Variants in LAMC2 observed in about 807,000 individuals in gnomAD.
LAMC2 encodes the protein laminin subunit gamma-2.
In LAMC2, 97 loss-of-function variants were observed where a neutral mutation model predicts 140.2. That is an observed-to-expected ratio of 0.69 (90% confidence interval 0.59 to 0.82). The LOEUF (loss-of-function observed/expected upper bound fraction) is 0.82, where lower values mean the gene tolerates loss of function less well. Ranked by LOEUF, LAMC2 falls within the 40% of genes least tolerant of loss-of-function variation. LAMC2 has a pLI of 0.00. For missense variants in LAMC2, 1,402 were observed against 1,476.1 expected (o/e 0.95, Z 0.82); for synonymous variants, 513 against 540.2 (o/e 0.95, Z 0.70).
the LAMC2 span, among the ~76,000 whole-genome samples, chr1:183,257,388 C>T: frequency 6.6e-6 from 1 of 152,050 alleles, no homozygotes; most frequent in Non-Finnish European, 1.5e-5. Context: ...TTGCAGTGAG[C>T]CAAGATCACG....
At chr1:183,252,615 T>C in the LAMC2 span, 6 of 1,487,764 alleles carry the variant, frequency 4.0e-6, no homozygotes, top group Non-Finnish European at 5.6e-6. Context: ...GGAGGGGCCA[T>C]TGTGTTGCCG....
chr1:183,225,221 GA>G (rs899752337), intron 7 of LAMC2, among the ~76,000 whole-genome samples: 1 of 152,068 alleles, frequency 6.6e-6, no homozygotes, highest in Non-Finnish European at 1.5e-5. Flanking sequence ...ACAAATAAAT[GA>G]TTTTTTTTAA....
At chr1:183,226,938 C>G in intron 9 of LAMC2, 22 bp downstream of exon 9, 1 of 1,584,306 alleles carries the variant, frequency 6.3e-7, no homozygotes. Context: ...GACACCTGGA[C>G]CAGGTGGCTG....
chr1:183,248,859 T>C (rs1342885566), downstream of LAMC2: 1 of 151,962 alleles, frequency 6.6e-6, no homozygotes, highest in Non-Finnish European at 1.5e-5. Context: ...TAAAATGTAA[T>C]AACATGCTTC....
chr1:183,245,904 T>C (rs1402326806), downstream of LAMC2, among the ~76,000 whole-genome samples: 4 of 152,210 alleles, frequency 2.6e-5, no homozygotes, highest in Non-Finnish European at 5.9e-5. Context: ...GCGCGGTGGC[T>C]CATGCCGGTA....
chr1:183,234,515 G>C, intron 15 of LAMC2, 69 bp downstream of exon 15: 1 of 1,192,894 alleles, frequency 8.4e-7, no homozygotes, highest in Non-Finnish European at 1.2e-6. Context: ...TAAGAGTGTA[G>C]GGTATTAGGG....
chr1:183,220,051 T>C (rs909399222), intron 4 of LAMC2, among the ~76,000 whole-genome samples: 3 of 152,344 alleles, frequency 2.0e-5, no homozygotes, highest in Non-Finnish European at 2.9e-5. Context: ...TAAATAATCA[T>C]TGAAACTATC....
At chr1:183,235,759 C>T (rs764333685) in intron 16 of LAMC2, 29 bp downstream of exon 16, 2 of 1,612,768 alleles carry the variant, frequency 1.2e-6, no homozygotes, top group Non-Finnish European at 1.7e-6. Flanking sequence ...TCCCGTGGCT[C>T]ATTATACCTT....
chr1:183,252,487 A>G, the LAMC2 span: 39 of 481,178 alleles, frequency 8.1e-5, no homozygotes, highest in African/African-American at 5.3e-4. Context: ...AGGGAATGCC[A>G]TGGTTCTCTG....
chr1:183,196,060 G>A (rs1012419324), intron 1 of LAMC2, among the ~76,000 whole-genome samples: 1 of 152,100 alleles, frequency 6.6e-6, no homozygotes, highest in Non-Finnish European at 1.5e-5. Context: ...ACTGATAAAT[G>A]ACAGGTAGTA....
In LAMC2 at chr1:183,240,171, T is replaced by A. The variant is rs570744232; in HGVS notation, c.3201T>A (p.Phe1067Leu). Reference protein sequence around the residue: ...EGELERKELEFDTNMDAVQMV... With the variant: ...EGELERKELELDTNMDAVQMV... The stretch of plus-strand genomic sequence containing the variant: ...AGCTGGAAAGGAAGGAGCTGGAGTT[T>A]GACACGAATATGGATGCAGTACAGA... Residue 1067 changes from phenylalanine (F) to leucine (L), a missense_variant, in exon 21 of 23, where the codon TTT becomes TTA. Phe to Leu is a conservative substitution (Grantham distance 22). Around this residue, in one of 3 missense-constraint regions of LAMC2, gnomAD observed 670 missense variants for 667.2 expected, o/e 1.00. Transcript: ENST00000264144. The A allele has an allele frequency of 6.8e-6, 11 of 1,614,200 alleles. No individual in the cohort carries two copies. The African/African-American group carries it at 9.3e-5, about 14-fold the overall frequency.
At chr1:183,210,938 T>G (rs556570124) in intron 2 of LAMC2, among the ~76,000 whole-genome samples, 3 of 152,384 alleles carry the variant, frequency 2.0e-5, no homozygotes, top group African/African-American at 7.2e-5. Flanking sequence ...CTATGTGATT[T>G]CTCAGTATCC....
chr1:183,237,599 C>A, intron 18 of LAMC2, 95 bp downstream of exon 18: 1 of 1,221,998 alleles, frequency 8.2e-7, no homozygotes, highest in Non-Finnish European at 1.2e-6. Context: ...AGCTCTCTGA[C>A]CAGGCACGGT....
At chr1:183,221,854 G>A (rs1240154381) in intron 5 of LAMC2, among the ~76,000 whole-genome samples, 1 of 151,970 alleles carries the variant, frequency 6.6e-6, no homozygotes, top group Non-Finnish European at 1.5e-5. Flanking sequence ...ATCTTATCAC[G>A]AGTCAGACTC....
chr1:183,207,786 A>G (rs997112962), intron 1 of LAMC2, 95 bp from the exon 2 acceptor site: 2 of 1,083,674 alleles, frequency 1.8e-6, no homozygotes, highest in African/African-American at 3.1e-5. Flanking sequence ...ACTCATGCAT[A>G]ATTTCTATCA....
chr1:183,211,349 T>A (rs556306075), intron 2 of LAMC2, among the ~76,000 whole-genome samples: 2 of 152,240 alleles, frequency 1.3e-5, no homozygotes, highest in African/African-American at 4.8e-5. Context: ...TAATTTTATA[T>A]TTTTTTACAT....
rs766497705 is a variant in LAMC2 at position 183,227,620 on chromosome 1, G to A, written c.1391G>A (p.Cys464Tyr). The A allele has an allele frequency of 6.2e-7, 1 of 1,614,192 alleles. No individual in the cohort carries two copies. The highest frequency in any genetic ancestry group is 2.2e-5 in the East Asian group (1 of 44,880). The change falls in exon 10 of 23, where the codon TGT becomes TAT. Residue 464 changes from cysteine to tyrosine, a missense_variant. By Grantham distance (194) the Cys-to-Tyr change is radical. Around this residue, in one of 3 missense-constraint regions of LAMC2, gnomAD observed 723 missense variants for 783.3 expected, o/e 0.92. Coordinates refer to ENST00000264144, the MANE Select transcript of LAMC2 (RefSeq NM_005562.3). ...CCCCGCAGCTGCAAGCCATGTCCCTGTCATAACGGGTTCAGCTGCTCAGTG... is the reference window on the plus strand; with the variant it reads ...CCCCGCAGCTGCAAGCCATGTCCCTATCATAACGGGTTCAGCTGCTCAGTG... Reference protein sequence around the residue: ...HDPRSCKPCPCHNGFSCSVMP... With the variant: ...HDPRSCKPCPYHNGFSCSVMP...
chr1:183,206,651 CAAAA>C (rs34536054), intron 1 of LAMC2, among the ~76,000 whole-genome samples: 7 of 125,970 alleles, frequency 5.6e-5, no homozygotes, highest in Middle Eastern at 4.5e-3. Flanking sequence ...GACTTGGTCT[CAAAA>C]AAAAAAAAAA....
At chr1:183,238,462 G>A (rs767275970) in intron 19 of LAMC2, 41 bp downstream of exon 19, 3 of 1,356,864 alleles carry the variant, frequency 2.2e-6, no homozygotes, top group Admixed American at 1.7e-5. Flanking sequence ...TATTTTAAGT[G>A]TATAGTCATG....
Sources: gnomAD v4.1 joint callset for allele counts (sites outside exome capture counted in the v4.1 genomes callset) on GRCh38, gnomAD v4.1.1 for gene constraint, gnomAD v4.1.1 regional missense constraint, MANE v1.5 for transcripts, NCBI Gene and HGNC (gene_info 2026-07-23, HGNC 2026-07-21) for gene names.